The following GPC6 variants were observed in gnomAD, a reference collection of about 807,000 sequenced individuals.
GPC6 encodes glypican 6.
Under a neutral mutation model 55.2 loss-of-function variants are expected in GPC6, and 14 were observed. The observed-to-expected ratio is 0.25, with a 90% confidence interval of 0.17 to 0.40. The LOEUF is 0.40. Among genes scored for constraint, GPC6 ranks in the 10% least tolerant of loss-of-function variants. The pLI is 1.00. For missense variants in GPC6, 641 were observed against 708.5 expected, an observed-to-expected ratio of 0.90 and a Z score of 1.08; for synonymous variants, 278 against 259.6, an observed-to-expected ratio of 1.07 and a Z score of -0.68.
intron 6 of GPC6, among the ~76,000 whole-genome samples, chr13:94,374,417 A>G (rs375259774): frequency 6.7e-6 from 1 of 149,386 alleles, no homozygotes; most frequent in African/African-American, 2.5e-5. Flanking sequence ...TTGCAATCCT[A>G]GTCTCTGATA....
chr13:93,879,661 C>T (rs2140308593), intron 3 of GPC6, among the ~76,000 whole-genome samples: 1 of 151,048 alleles, frequency 6.6e-6, no homozygotes, highest in East Asian at 1.9e-4. Flanking sequence ...TGGGCAAGGA[C>T]TTCATGTCTA....
At chr13:93,542,069 T>C (rs1882331009) in intron 1 of GPC6, among the ~76,000 whole-genome samples, 1 of 152,178 alleles carries the variant, frequency 6.6e-6, no homozygotes, top group Non-Finnish European at 1.5e-5. Flanking sequence ...TGCCATTGCT[T>C]TTGGTGTTTT....
intron 2 of GPC6, among the ~76,000 whole-genome samples, chr13:93,592,514 G>C (rs965891063): frequency 6.6e-5 from 10 of 150,582 alleles, no homozygotes; most frequent in Non-Finnish European, 1.0e-4. Flanking sequence ...CTCCCAAAGT[G>C]CTGGGATTAC....
intron 1 of GPC6, among the ~76,000 whole-genome samples, chr13:93,247,885 T>C (rs886157236): frequency 6.6e-6 from 1 of 152,168 alleles, no homozygotes; most frequent in African/African-American, 2.4e-5. Context: ...CAACAAAATA[T>C]GTATGGAGTA....
intron 3 of GPC6, among the ~76,000 whole-genome samples, chr13:93,868,303 C>T (rs1352412377): frequency 6.6e-6 from 1 of 151,692 alleles, no homozygotes; most frequent in Non-Finnish European, 1.5e-5. Context: ...GGATAAGACC[C>T]TCAATCCTAA....
intron 2 of GPC6, among the ~76,000 whole-genome samples, chr13:93,615,539 T>G (rs1262850533): frequency 6.6e-6 from 1 of 152,172 alleles, no homozygotes; most frequent in African/African-American, 2.4e-5. Flanking sequence ...ATGGGCTATT[T>G]GGGCAGCAGC....
In GPC6 at chr13:94,382,489, G is replaced by A. The variant is rs750083755; in HGVS notation, c.1228G>A (p.Glu410Lys). 43 of 1,614,162 alleles carry A rather than the reference G, an allele frequency of 2.7e-5. No individual in the cohort carries two copies. The highest frequency in any genetic ancestry group is 1.3e-4 in the East Asian group (6 of 44,884). The change falls in exon 7 of 9, where the codon GAG (glutamate) becomes AAG (lysine). Residue 410 changes from glutamate (E) to lysine (K), a missense_variant. Physicochemically the swap from Glu to Lys is moderately conservative, Grantham distance 56 (BLOSUM62 1). Transcript: ENST00000377047. ...ATTACCCTACACTATCTGCAAGGAC[G>A]AGAGCGTGACAGCGGGCACGTCCAA... Reference protein sequence around the residue: ...SALPYTICKDESVTAGTSNEE... With the variant: ...SALPYTICKDKSVTAGTSNEE...
At chr13:94,081,738 G>C (rs1473564727) in intron 4 of GPC6, among the ~76,000 whole-genome samples, 1 of 152,130 alleles carries the variant, frequency 6.6e-6, no homozygotes, top group Non-Finnish European at 1.5e-5. Flanking sequence ...ATCTTGCTAA[G>C]TCCAGGCACT....
rs775102328 is a variant in GPC6 at position 94,027,745 on chromosome 13, G to A, written c.728G>A (p.Gly243Glu). The part of the protein sequence containing the change: ...NRVSKVSPTP[G>E]CIRALMKMLY... Reference sequence around the variant, plus strand: ...AATCTGCAGGTCAGCCCAACCCCAGGGTGTATCCGTGCCCTCATGAAGATG... The same window carrying A: ...AATCTGCAGGTCAGCCCAACCCCAGAGTGTATCCGTGCCCTCATGAAGATG... The change falls in exon 4 of 9, where the codon GGG (glycine) becomes GAG (glutamate). Residue 243 changes from glycine (G) to glutamate (E), a missense_variant. Transcript: ENST00000377047. 6.2e-7 allele frequency: 1 copy of A among 1,613,796 alleles called. No homozygotes were observed. The highest frequency in any genetic ancestry group is 1.3e-5 in the African/African-American group (1 of 74,866).
At chr13:93,917,632 C>T (rs1309860633) in intron 3 of GPC6, among the ~76,000 whole-genome samples, 1 of 152,124 alleles carries the variant, frequency 6.6e-6, no homozygotes, top group Non-Finnish European at 1.5e-5. Context: ...GTTCTGACTC[C>T]ATGACCTTGT....
chr13:93,661,167 A>G (rs1880904467), intron 2 of GPC6, among the ~76,000 whole-genome samples: 1 of 152,152 alleles, frequency 6.6e-6, no homozygotes, highest in Non-Finnish European at 1.5e-5. Flanking sequence ...GTGTTCTGCT[A>G]TGGTAATGTG....
intron 2 of GPC6, among the ~76,000 whole-genome samples, chr13:93,581,552 C>T (rs1876936513): frequency 6.6e-6 from 1 of 151,988 alleles, no homozygotes; most frequent in Non-Finnish European, 1.5e-5. Flanking sequence ...TACAAAAATA[C>T]AAAAATGAGC....
chr13:93,864,916 A>G (rs1262195074), intron 3 of GPC6, among the ~76,000 whole-genome samples: 2 of 151,732 alleles, frequency 1.3e-5, no homozygotes, highest in African/African-American at 2.4e-5. Flanking sequence ...GTAAAATCTC[A>G]TGACTTAAGT....
At chr13:93,877,146 G>T (rs1377752756) in intron 3 of GPC6, among the ~76,000 whole-genome samples, 1 of 152,010 alleles carries the variant, frequency 6.6e-6, no homozygotes, top group East Asian at 1.9e-4. Context: ...GCTATGGATC[G>T]AATATGTTAT....
chr13:93,505,530 C>G (rs564106322), intron 1 of GPC6, among the ~76,000 whole-genome samples: 2 of 152,134 alleles, frequency 1.3e-5, no homozygotes, highest in African/African-American at 4.8e-5. Context: ...CACTCTAACT[C>G]GTCTGAGTGA....
chr13:93,894,625 T>G (rs1184937388), intron 3 of GPC6, among the ~76,000 whole-genome samples: 1 of 152,148 alleles, frequency 6.6e-6, no homozygotes, highest in Non-Finnish European at 1.5e-5. Flanking sequence ...AGCTCCAAGT[T>G]TGTTTGGCCA....
intron 1 of GPC6, among the ~76,000 whole-genome samples, chr13:93,411,029 C>A (rs1363135736): frequency 1.3e-5 from 2 of 152,172 alleles, no homozygotes; most frequent in Admixed American, 1.3e-4. Context: ...TCCCACATTA[C>A]ATAAACACAA....
At chr13:93,307,125 T>C (rs1276464208) in intron 1 of GPC6, among the ~76,000 whole-genome samples, 2 of 152,186 alleles carry the variant, frequency 1.3e-5, no homozygotes, top group East Asian at 3.8e-4. Flanking sequence ...ATTTTTTTCT[T>C]ATATTTAATC....
At chr13:94,399,336 AAAG>A (rs1319146253) in intron 8 of GPC6, among the ~76,000 whole-genome samples, 2 of 152,250 alleles carry the variant, frequency 1.3e-5, no homozygotes, top group African/African-American at 2.4e-5. Flanking sequence ...ATTAAGGATC[AAAG>A]AAGCATCAAA....
Sources: allele counts gnomAD v4.1 joint callset (sites outside exome capture counted in the v4.1 genomes callset), GRCh38; gene constraint gnomAD v4.1.1; transcripts MANE v1.5; gene names NCBI Gene and HGNC (gene_info 2026-07-23, HGNC 2026-07-21).